RYR3: variants seen among roughly 807,000 people sequenced by gnomAD.
RYR3 encodes ryanodine receptor 3.
Under a neutral mutation model 584.3 loss-of-function variants are expected in RYR3, and 207 were observed. That is an observed-to-expected ratio of 0.35 (90% confidence interval 0.32 to 0.40). RYR3 has a LOEUF of 0.40. Among genes scored for constraint, RYR3 ranks in the 10% least tolerant of loss-of-function variants. The probability of loss-of-function intolerance (pLI) is 1.00; values close to 1 mark genes in which losing one functional copy is unlikely to be tolerated. For synonymous variants in RYR3, 2,416 were observed against 2,248.5 expected, an observed-to-expected ratio of 1.07 and a Z score of -2.11; for missense variants, 5,616 against 6,089.2, an observed-to-expected ratio of 0.92 and a Z score of 2.59.
intron 1 of RYR3, among the ~76,000 whole-genome samples, chr15:33,427,769 T>C (rs2044766880): frequency 6.6e-6 from 1 of 152,198 alleles, no homozygotes; most frequent in African/African-American, 2.4e-5. Context: ...GATTGGTGAA[T>C]ATAAAACATG....
chr15:33,652,244 T>C (rs956333176), intron 31 of RYR3, among the ~76,000 whole-genome samples: 7 of 152,130 alleles, frequency 4.6e-5, no homozygotes, highest in Non-Finnish European at 8.8e-5. Flanking sequence ...TCCTAAGGAA[T>C]GTGGGCCCGA....
chr15:33,406,234 G>A (rs2043009529), intron 1 of RYR3, among the ~76,000 whole-genome samples: 1 of 152,184 alleles, frequency 6.6e-6, no homozygotes. Flanking sequence ...CCAAGGAAAT[G>A]CCTTCTTTTT....
intron 38 of RYR3, among the ~76,000 whole-genome samples, chr15:33,692,507 A>T (rs550431032): frequency 6.6e-6 from 1 of 152,210 alleles, no homozygotes; most frequent in African/African-American, 2.4e-5. Context: ...ACAATTTGAA[A>T]CATTTTCCAG....
intron 98 of RYR3, among the ~76,000 whole-genome samples, chr15:33,855,394 G>A (rs1181573643): frequency 1.3e-5 from 2 of 152,168 alleles, no homozygotes; most frequent in African/African-American, 2.4e-5. Context: ...AGTAGAGACG[G>A]GGTTTCACCA....
rs756729023 is a variant in RYR3 at position 33,548,198 on chromosome 15, G to A, written c.809G>A (p.Arg270Gln). 5.0e-6 allele frequency: 8 copies of A among 1,608,398 alleles called. No homozygotes were observed. In the Admixed American group the frequency reaches 8.4e-5, roughly 17 times the overall value. ...ARSLWRVEPL[R>Q]ISWSGSNIRW... ...TCTCTTTGGAGAGTGGAACCCCTTC[G>A]GATAAGGTAATGGAAGGCCTGGGAA... The change falls in exon 9 of 104, where the codon CGG becomes CAG. Residue 270 changes from arginine (R) to glutamine (Q), a missense_variant. Physicochemically the swap from Arg to Gln is conservative, Grantham distance 43. Coordinates refer to ENST00000634891, the MANE Select transcript of RYR3 (RefSeq NM_001036.6).
intron 1 of RYR3, among the ~76,000 whole-genome samples, chr15:33,467,027 T>G (rs1186300671): frequency 6.7e-6 from 1 of 149,102 alleles, no homozygotes; most frequent in Non-Finnish European, 1.5e-5. Context: ...GCCCACTTAT[T>G]TTTCATTTAA....
chr15:33,653,398 G>A (rs1337742646), intron 32 of RYR3, among the ~76,000 whole-genome samples: 2 of 152,188 alleles, frequency 1.3e-5, no homozygotes, highest in East Asian at 1.9e-4. Flanking sequence ...TAGGCCAGGC[G>A]CAGTGGCTCA....
chr15:33,394,128 A>C (rs1222089659), intron 1 of RYR3, among the ~76,000 whole-genome samples: 1 of 152,192 alleles, frequency 6.6e-6, no homozygotes, highest in Non-Finnish European at 1.5e-5. Context: ...AAGTTAGTTC[A>C]AGTGTTACTG....
At chr15:33,483,782 A>G (rs1355706893) in intron 2 of RYR3, among the ~76,000 whole-genome samples, 1 of 152,146 alleles carries the variant, frequency 6.6e-6, no homozygotes, top group Non-Finnish European at 1.5e-5. Flanking sequence ...GGGTTTTATT[A>G]ATCTATGGTG....
At chr15:33,454,524 G>A (rs1322415837) in intron 1 of RYR3, among the ~76,000 whole-genome samples, 4 of 152,136 alleles carry the variant, frequency 2.6e-5, no homozygotes, top group Non-Finnish European at 4.4e-5. Flanking sequence ...CCTTATCCTC[G>A]GCACGGAGAT....
intron 1 of RYR3, among the ~76,000 whole-genome samples, chr15:33,345,667 CAGA>C (rs1381118080): frequency 6.6e-6 from 1 of 152,132 alleles, no homozygotes; most frequent in Non-Finnish European, 1.5e-5. Flanking sequence ...CCCAGCAGAG[CAGA>C]AGGAGAAGAG....
chr15:33,540,985 A>G (rs918173265), intron 7 of RYR3, 95 bp downstream of exon 7: 8 of 760,504 alleles, frequency 1.1e-5, no homozygotes, highest in Admixed American at 5.8e-5. Context: ...TCTCACCTGA[A>G]TGTCTTGGTA....
chr15:33,796,244 C>T (rs1310171476), intron 67 of RYR3, among the ~76,000 whole-genome samples: 1 of 152,150 alleles, frequency 6.6e-6, no homozygotes, highest in Non-Finnish European at 1.5e-5. Context: ...AAGTGATTCT[C>T]CTGCCTCAGC....
At chr15:33,666,628 C>CG (rs2063507468) in intron 36 of RYR3, among the ~76,000 whole-genome samples, 1 of 85,538 alleles carries the variant, frequency 1.2e-5, no homozygotes, top group Non-Finnish European at 3.3e-5. Context: ...ACAGTGATAT[C>CG]CTTCTACAAC....
At chr15:33,603,449 A>G (rs1029617501) in intron 18 of RYR3, 85 bp downstream of exon 18, 9 of 1,367,230 alleles carry the variant, frequency 6.6e-6, no homozygotes, top group Admixed American at 4.6e-5. Context: ...GACCACTTCC[A>G]TTTGAAATGA....
Position 33,623,912 on chromosome 15 carries a change from G to A in RYR3, c.2463G>A (p.Leu821=). ...TACTTCCAAAAGAGAAGATGAGATT[G>A]GAGCCTGTCAAAGAATATAAACGTG... ...EALLPKEKMR[L]EPVKEYKRDA... The change falls in exon 20 of 104, where the codon TTG becomes TTA. Residue 821 remains leucine (L), a synonymous_variant. Coordinates refer to ENST00000634891, the MANE Select transcript of RYR3 (RefSeq NM_001036.6). 2 of 1,613,792 alleles carry A rather than the reference G, an allele frequency of 1.2e-6. No individual in the cohort carries two copies. The highest frequency in any genetic ancestry group is 1.7e-6 in the Non-Finnish European group (2 of 1,179,714).
rs1212941560 is a variant in RYR3 at position 33,636,473 on chromosome 15, T to A, written c.3479T>A (p.Ile1160Asn). ...CMINLDDASM[I>N]FTLNGELLIT... Reference sequence around the variant, plus strand: ...ATTAACCTGGATGATGCTTCAATGATCTTCACACTGAATGGGGAGCTGCTG... The same window carrying A: ...ATTAACCTGGATGATGCTTCAATGAACTTCACACTGAATGGGGAGCTGCTG... The change falls in exon 27 of 104, where the codon ATC becomes AAC. Residue 1160 changes from isoleucine (I) to asparagine (N), a missense_variant. Around this residue, in one of 9 missense-constraint regions of RYR3, gnomAD observed 152 missense variants for 200.9 expected, o/e 0.76. Transcript: ENST00000634891. 1.9e-6 allele frequency: 3 copies of A among 1,613,552 alleles called. No homozygotes were observed. The South Asian group carries it at 3.3e-5, about 18-fold the overall frequency.
intron 3 of RYR3, among the ~76,000 whole-genome samples, chr15:33,526,642 C>CT (rs35167394): frequency 8.0e-5 from 12 of 149,214 alleles, no homozygotes; most frequent in Admixed American, 2.0e-4. Flanking sequence ...TTCTCTATGC[C>CT]TTTTTTTTTT....
chr15:33,671,687 T>C (rs2063843357), intron 38 of RYR3, among the ~76,000 whole-genome samples: 1 of 151,976 alleles, frequency 6.6e-6, no homozygotes, highest in Non-Finnish European at 1.5e-5. Flanking sequence ...GAGTTTAGGC[T>C]CCCTTTGTGG....
Sources: gnomAD v4.1 joint callset for allele counts (sites outside exome capture counted in the v4.1 genomes callset) on GRCh38, gnomAD v4.1.1 for gene constraint, gnomAD v4.1.1 regional missense constraint, MANE v1.5 for transcripts, NCBI Gene and HGNC (gene_info 2026-07-23, HGNC 2026-07-21) for gene names.